TBL1XR1: variants seen among roughly 807,000 people sequenced by gnomAD.
The protein encoded by TBL1XR1 is TBL1X/Y related 1.
Under a neutral mutation model 66.9 loss-of-function variants are expected in TBL1XR1, and 5 were observed. That is an observed-to-expected ratio of 0.07 (90% confidence interval 0.04 to 0.16). TBL1XR1 has a LOEUF of 0.16. TBL1XR1 is among the 10% of genes least tolerant of loss of function. The pLI is 1.00. For synonymous variants in TBL1XR1, 210 were observed against 206.0 expected (o/e 1.02, Z -0.17); for missense variants, 238 against 623.2 (o/e 0.38, Z 6.58).
intron 1 of TBL1XR1, among the ~76,000 whole-genome samples, chr3:177,153,048 C>T (rs114067864): frequency 2.4e-4 from 36 of 152,092 alleles, no homozygotes; most frequent in Admixed American, 1.4e-3. Flanking sequence ...GGCTGAGGCA[C>T]GAGAATCGCC....
intron 5 of TBL1XR1, among the ~76,000 whole-genome samples, chr3:177,050,826 AGGGGTG>A (rs1384578731): frequency 3.5e-5 from 1 of 28,470 alleles, no homozygotes; most frequent in Non-Finnish European, 6.7e-5. Flanking sequence ...TTTTTTTTAG[AGGGGTG>A]GGGGTGGGAG....
intron 14 of TBL1XR1, chr3:177,026,998 T>C (rs1713226590): frequency 6.6e-6 from 1 of 152,650 alleles, no homozygotes; most frequent in Admixed American, 6.5e-5. Context: ...ATAATGTATG[T>C]ATGTTCCTTT....
chr3:177,095,531 C>A (rs1723367928), intron 2 of TBL1XR1, among the ~76,000 whole-genome samples: 1 of 150,354 alleles, frequency 6.7e-6, no homozygotes, highest in Admixed American at 6.6e-5. Flanking sequence ...TCACTTGTCA[C>A]CCAGACTGGA....
At chr3:177,184,779 A>C (rs1735214548) in intron 1 of TBL1XR1, among the ~76,000 whole-genome samples, 1 of 148,132 alleles carries the variant, frequency 6.8e-6, no homozygotes, top group Non-Finnish European at 1.5e-5. Context: ...AGCCTGGATG[A>C]GACAGAGCAA....
At chr3:177,091,965 C>T (rs1232114433) in intron 2 of TBL1XR1, among the ~76,000 whole-genome samples, 3 of 152,154 alleles carry the variant, frequency 2.0e-5, no homozygotes, top group East Asian at 1.9e-4. Context: ...TAGGAATGAT[C>T]ATCAATGTCG....
At chr3:177,136,472 G>T (rs1420102372) in intron 1 of TBL1XR1, among the ~76,000 whole-genome samples, 2 of 152,140 alleles carry the variant, frequency 1.3e-5, no homozygotes, top group African/African-American at 4.8e-5. Context: ...TAGAGACAGG[G>T]TTTCACCACG....
chr3:177,041,160 G>GC (rs1290492111), intron 10 of TBL1XR1: 6 of 152,208 alleles, frequency 3.9e-5, no homozygotes, highest in Non-Finnish European at 7.3e-5. Context: ...TGCTCTTCCT[G>GC]CCCATAAGCC....
intron 1 of TBL1XR1, among the ~76,000 whole-genome samples, chr3:177,176,254 G>A (rs1330194581): frequency 2.6e-5 from 4 of 151,636 alleles, no homozygotes; most frequent in African/African-American, 9.7e-5. Context: ...GAATGCAGTG[G>A]TGCGATCTCG....
At chr3:177,149,674 G>A (rs1427995918) in intron 1 of TBL1XR1, among the ~76,000 whole-genome samples, 1 of 152,098 alleles carries the variant, frequency 6.6e-6, no homozygotes, top group East Asian at 1.9e-4. Context: ...CTTTCGTATG[G>A]CCCATAAGCT....
chr3:177,135,604 G>C (rs1171291205), intron 1 of TBL1XR1, among the ~76,000 whole-genome samples: 33 of 144,662 alleles, frequency 2.3e-4, no homozygotes, highest in African/African-American at 7.7e-4. Flanking sequence ...GGATGGTCTC[G>C]ATCTCCTGAC....
At chr3:177,192,664 C>T (rs980992854) in intron 1 of TBL1XR1, among the ~76,000 whole-genome samples, 1 of 152,102 alleles carries the variant, frequency 6.6e-6, no homozygotes, top group Non-Finnish European at 1.5e-5. Flanking sequence ...TGACATTATG[C>T]CCCTACTAAA....
intron 11 of TBL1XR1, 42 bp downstream of exon 11, chr3:177,038,271 T>C: frequency 1.3e-6 from 2 of 1,594,928 alleles, no homozygotes; most frequent in Non-Finnish European, 1.7e-6. Flanking sequence ...AAACATTACT[T>C]GTTAATCATG....
chr3:177,080,193 C>T (rs1267683511), intron 2 of TBL1XR1, among the ~76,000 whole-genome samples: 1 of 152,198 alleles, frequency 6.6e-6, no homozygotes, highest in African/African-American at 2.4e-5. Flanking sequence ...CAATTGCTTT[C>T]TAACTTTTAA....
At chr3:177,105,364 G>A (rs73039651) in intron 1 of TBL1XR1, among the ~76,000 whole-genome samples, 5,497 of 152,212 alleles carry the variant, frequency 0.036, 324 homozygotes, top group African/African-American at 0.13. Context: ...GGCCGAAGGA[G>A]GGGTGGACCA....
At chr3:177,170,600 T>G (rs1733343027) in intron 1 of TBL1XR1, among the ~76,000 whole-genome samples, 1 of 152,166 alleles carries the variant, frequency 6.6e-6, no homozygotes, top group African/African-American at 2.4e-5. Context: ...AAGGTCTTTC[T>G]CACATTTATA....
chr3:177,056,753 TTC>T (rs1432700690), intron 3 of TBL1XR1, among the ~76,000 whole-genome samples: 1 of 24,360 alleles, frequency 4.1e-5, no homozygotes, highest in African/African-American at 2.0e-4. Flanking sequence ...TAACTCCCTC[TTC>T]TCTCTCGGTC....
chr3:177,068,973 T>A (rs1456556098), intron 2 of TBL1XR1, among the ~76,000 whole-genome samples: 1 of 152,250 alleles, frequency 6.6e-6, no homozygotes, highest in Non-Finnish European at 1.5e-5. Flanking sequence ...ATAACTTAGA[T>A]GTGACGAACT....
chr3:177,050,195 A>G, intron 6 of TBL1XR1, 57 bp from the exon 7 acceptor site: 1 of 1,562,764 alleles, frequency 6.4e-7, no homozygotes, highest in Non-Finnish European at 8.7e-7. Flanking sequence ...TATCAGAACA[A>G]GGCAACATAT....
intron 4 of TBL1XR1, among the ~76,000 whole-genome samples, chr3:177,053,312 C>T (rs1717357947): frequency 6.6e-6 from 1 of 152,108 alleles, no homozygotes; most frequent in Non-Finnish European, 1.5e-5. Flanking sequence ...TTGAGAAAAA[C>T]AGGGAGGAGC....
Sources: allele counts gnomAD v4.1 joint callset (sites outside exome capture counted in the v4.1 genomes callset), GRCh38; gene constraint gnomAD v4.1.1; transcripts MANE v1.5; gene names NCBI Gene and HGNC (gene_info 2026-07-23, HGNC 2026-07-21).